Variants in HPSE2 observed in about 807,000 individuals in gnomAD.
HPSE2 encodes the protein inactive heparanase-2.
A neutral mutation model predicts 60.5 loss-of-function variants in HPSE2; 38 were observed. The observed-to-expected ratio is 0.63, with a 90% CI of 0.48 to 0.82. HPSE2 has a LOEUF of 0.82. Ranked by LOEUF, HPSE2 falls within the 40% of genes least tolerant of loss-of-function variation. The probability of loss-of-function intolerance (pLI) is 0.00; values close to 1 mark genes in which losing one functional copy is unlikely to be tolerated. For synonymous variants in HPSE2, 295 were observed against 293.2 expected (o/e 1.01, Z -0.06); for missense variants, 713 against 740.4 (o/e 0.96, Z 0.43).
At chr10:99,238,978 G>A (rs1032441986), upstream of HPSE2, among the ~76,000 whole-genome samples, 4 of 152,022 alleles carry the variant, frequency 2.6e-5, no homozygotes, top group African/African-American at 9.7e-5. Context: ...TGGCAACATG[G>A]TGAAACCCCG....
intron 3 of HPSE2, among the ~76,000 whole-genome samples, chr10:98,939,120 A>T (rs1439663998): frequency 6.9e-6 from 1 of 143,980 alleles, no homozygotes; most frequent in East Asian, 2.0e-4. Context: ...AGTTCCAGCC[A>T]CTGCAAAATC....
At chr10:99,110,381 T>C (rs1393406842) in intron 3 of HPSE2, among the ~76,000 whole-genome samples, 1 of 152,170 alleles carries the variant, frequency 6.6e-6, no homozygotes, top group Non-Finnish European at 1.5e-5. Flanking sequence ...TTGAAAGGCA[T>C]ACTATGTCCT....
At chr10:99,176,083 A>G (rs1261848758) in intron 2 of HPSE2, among the ~76,000 whole-genome samples, 2 of 152,200 alleles carry the variant, frequency 1.3e-5, no homozygotes, top group Non-Finnish European at 2.9e-5. Flanking sequence ...AACATCAACA[A>G]AAAGGACATC....
chr10:98,563,470 A>C (rs1358431598), intron 9 of HPSE2, among the ~76,000 whole-genome samples: 1 of 152,170 alleles, frequency 6.6e-6, no homozygotes, highest in Non-Finnish European at 1.5e-5. Context: ...TTGGGTAATG[A>C]AAATGTACAA....
rs192740420 is a variant in HPSE2, at chr10:98,857,750, G to A, written c.611-113694C>T. 5.3e-5 allele frequency among the ~76,000 whole-genome samples: 8 copies of A among 152,228 alleles called. No homozygotes were observed. The East Asian group carries it at 1.5e-3, about 29-fold the overall frequency. ...TAATAATGGAGGGACCCAAGGACTT[G>A]ATTGAAGACAGTTTAATTTGGCATA... On this transcript the variant is annotated intron_variant, in intron 3 of 11. Transcript: ENST00000370552.
At chr10:98,621,633 TCA>T (rs969156341) in intron 7 of HPSE2, among the ~76,000 whole-genome samples, 2 of 152,204 alleles carry the variant, frequency 1.3e-5, no homozygotes, top group African/African-American at 4.8e-5. Context: ...AAACTCAGTC[TCA>T]CAGGGATCTT....
At chr10:99,035,058 CTG>C (rs1957579917) in intron 3 of HPSE2, among the ~76,000 whole-genome samples, 1 of 152,160 alleles carries the variant, frequency 6.6e-6, no homozygotes, top group African/African-American at 2.4e-5. Context: ...TTTATAAACA[CTG>C]TACACTTAGG....
intron 9 of HPSE2, among the ~76,000 whole-genome samples, chr10:98,552,757 GGT>G (rs1564962472): frequency 6.6e-6 from 1 of 151,958 alleles, no homozygotes; most frequent in Non-Finnish European, 1.5e-5. Context: ...ATAAAATAAT[GGT>G]GTGTCTTTCA....
chr10:98,814,516 C>T (rs1164567645), intron 3 of HPSE2, among the ~76,000 whole-genome samples: 1 of 152,184 alleles, frequency 6.6e-6, no homozygotes, highest in African/African-American at 2.4e-5. Flanking sequence ...AGACAATCAT[C>T]ATCACAAGCA....
At chr10:98,600,759 TATAC>T (rs1433699302) in intron 9 of HPSE2, among the ~76,000 whole-genome samples, 3 of 54,728 alleles carry the variant, frequency 5.5e-5, no homozygotes, top group African/African-American at 9.8e-5. Context: ...ACAAAAAAAA[TATAC>T]ACACATATAT....
intron 9 of HPSE2, among the ~76,000 whole-genome samples, chr10:98,547,321 C>T (rs1169706426): frequency 1.4e-5 from 2 of 141,976 alleles, no homozygotes; most frequent in East Asian, 4.5e-4. Flanking sequence ...ACCCAAAGGA[C>T]TATAAATCAT....
chr10:99,240,945 C>T, the HPSE2 span, among the ~76,000 whole-genome samples: 4 of 152,090 alleles, frequency 2.6e-5, no homozygotes, highest in Non-Finnish European at 5.9e-5. Context: ...ACAGCCAGTC[C>T]ACTGTGTCCT....
chr10:99,016,786 G>T (rs182013324), intron 3 of HPSE2, among the ~76,000 whole-genome samples: 1 of 152,078 alleles, frequency 6.6e-6, no homozygotes, highest in Non-Finnish European at 1.5e-5. Context: ...GTGTGTGTGT[G>T]TGTGGCAATT....
At chr10:99,259,581 T>C in the HPSE2 span, among the ~76,000 whole-genome samples, 2 of 151,986 alleles carry the variant, frequency 1.3e-5, no homozygotes, top group African/African-American at 4.8e-5. Context: ...AAAGCCACAA[T>C]GAAATGTGGG....
intron 9 of HPSE2, among the ~76,000 whole-genome samples, chr10:98,496,385 A>G (rs1941840361): frequency 6.6e-6 from 1 of 152,206 alleles, no homozygotes. Flanking sequence ...GTGCAACAAC[A>G]GTGGTTGCCT....
chr10:98,622,633 CT>C (rs1946103497), intron 7 of HPSE2, among the ~76,000 whole-genome samples: 1 of 152,102 alleles, frequency 6.6e-6, no homozygotes, highest in Admixed American at 6.6e-5. Context: ...GTTACTGACC[CT>C]TTTCAGAAAC....
At chr10:99,184,446 A>T (rs961437670) in intron 2 of HPSE2, among the ~76,000 whole-genome samples, 1 of 140,462 alleles carries the variant, frequency 7.1e-6, no homozygotes, top group African/African-American at 2.6e-5. Flanking sequence ...AATCGCTTGA[A>T]CCCAGGAGGT....
At chr10:98,552,782 T>C (rs1236608014) in intron 9 of HPSE2, among the ~76,000 whole-genome samples, 1 of 152,156 alleles carries the variant, frequency 6.6e-6, no homozygotes, top group African/African-American at 2.4e-5. Context: ...TGACAGCATC[T>C]TAGATTTGAT....
chr10:98,457,310 G>A lies in HPSE2; in HGVS notation c.*2264C>T, dbSNP rs1030649410. 1 of 152,264 alleles carries A rather than the reference G, an allele frequency of 6.6e-6. No homozygotes were observed. The highest frequency in any genetic ancestry group is 2.1e-4 in the South Asian group (1 of 4,834). 9.4% of individuals were successfully genotyped at this position (152,264 alleles called of 1,614,324 possible). A position where few individuals can be genotyped will look rare whatever the true frequency, so the allele number is the denominator to read the frequency against. ...AGATGTGAAGGAGGTGTCTGGACCT[G>A]TGGAGCCGCTGAGCCTTGTGGCTGA... On this transcript the variant is annotated 3_prime_UTR_variant, in exon 12 of 12. Coordinates refer to ENST00000370552, the MANE Select transcript of HPSE2 (RefSeq NM_021828.5).
Sources: gnomAD v4.1 joint callset for allele counts (sites outside exome capture counted in the v4.1 genomes callset) on GRCh38, gnomAD v4.1.1 for gene constraint, MANE v1.5 for transcripts, NCBI Gene and HGNC (gene_info 2026-07-23, HGNC 2026-07-21) for gene names.